Variants in GHR observed in about 807,000 individuals in gnomAD.
GHR encodes the protein GH receptor.
Under a neutral mutation model 67.1 loss-of-function variants are expected in GHR, and 35 were observed. The observed-to-expected ratio is 0.52, with a 90% CI of 0.40 to 0.69. The LOEUF (loss-of-function observed/expected upper bound fraction) is 0.69. Ranked by LOEUF, GHR falls within the 30% of genes least tolerant of loss-of-function variation. The pLI, the probability that GHR is intolerant of heterozygous loss-of-function variation, is 0.00. For missense variants in GHR, 792 were observed against 764.6 expected, an observed-to-expected ratio of 1.04 and a Z score of -0.42; for synonymous variants, 272 against 269.1, an observed-to-expected ratio of 1.01 and a Z score of -0.10.
chr5:42,494,159 A>G (rs1746226178), intron 1 of GHR, among the ~76,000 whole-genome samples: 1 of 152,138 alleles, frequency 6.6e-6, no homozygotes. Context: ...GCTCAAAAGG[A>G]GTAACAGAAA....
chr5:42,453,442 A>G (rs1744134252), intron 1 of GHR, among the ~76,000 whole-genome samples: 1 of 152,216 alleles, frequency 6.6e-6, no homozygotes, highest in Non-Finnish European at 1.5e-5. Context: ...CCGAGGTCAC[A>G]GCCTTGATGA....
intron 3 of GHR, among the ~76,000 whole-genome samples, chr5:42,653,097 G>A (rs1322201122): frequency 6.6e-6 from 1 of 152,020 alleles, no homozygotes; most frequent in Admixed American, 6.6e-5. Context: ...GTCAGAACAG[G>A]GCCTGACAGA....
chr5:42,467,456 C>T, intron 1 of GHR: 2 of 973,508 alleles, frequency 2.1e-6, no homozygotes, highest in South Asian at 2.8e-5. Flanking sequence ...TTCCGACACT[C>T]ATTACATTTA....
intron 3 of GHR, among the ~76,000 whole-genome samples, chr5:42,655,732 C>A (rs754701917): frequency 6.7e-6 from 1 of 149,628 alleles, no homozygotes; most frequent in Non-Finnish European, 1.5e-5. Context: ...CACTGTCTAC[C>A]GAAATGAGAC....
intron 3 of GHR, chr5:42,646,368 G>A (rs1026503552): frequency 2.2e-6 from 1 of 454,546 alleles, no homozygotes; most frequent in Non-Finnish European, 4.4e-6. Flanking sequence ...AAAATGGTGG[G>A]TTTCAGTCTG....
intron 1 of GHR, among the ~76,000 whole-genome samples, chr5:42,457,771 A>G (rs986850806): frequency 2.0e-5 from 3 of 152,216 alleles, no homozygotes; most frequent in Non-Finnish European, 2.9e-5. Context: ...GGTGGATTAC[A>G]GAATTCCATG....
chr5:42,428,357 C>T, intron 1 of GHR, among the ~76,000 whole-genome samples: 1 of 152,064 alleles, frequency 6.6e-6, no homozygotes, highest in East Asian at 1.9e-4. Context: ...TAGGCTGCAC[C>T]TAGCAGGCCC....
intron 3 of GHR, among the ~76,000 whole-genome samples, chr5:42,662,414 C>G (rs7737177): frequency 0.011 from 1,660 of 152,238 alleles, 26 homozygotes; most frequent in African/African-American, 0.039. Flanking sequence ...TCTCTCAGAC[C>G]ACAGTGCAAT....
intron 1 of GHR, among the ~76,000 whole-genome samples, chr5:42,554,105 A>G (rs1749182971): frequency 6.6e-6 from 1 of 152,210 alleles, no homozygotes; most frequent in Non-Finnish European, 1.5e-5. Context: ...TTAGAATTAT[A>G]CAAGAAAAAT....
intron 1 of GHR, among the ~76,000 whole-genome samples, chr5:42,444,846 C>T (rs967199413): frequency 6.6e-6 from 1 of 152,074 alleles, no homozygotes; most frequent in African/African-American, 2.4e-5. Flanking sequence ...TTCCCCTTTC[C>T]AGCTACAAAT....
chr5:42,690,641 G>C (rs1294111749), intron 4 of GHR, among the ~76,000 whole-genome samples: 1 of 152,078 alleles, frequency 6.6e-6, no homozygotes, highest in African/African-American at 2.4e-5. Context: ...TGCTTAATTT[G>C]CAGATAAAAA....
At chr5:42,579,087 A>ATAGAT (rs1750938873) in intron 2 of GHR, among the ~76,000 whole-genome samples, 1 of 74,498 alleles carries the variant, frequency 1.3e-5, no homozygotes, top group Non-Finnish European at 2.9e-5. Flanking sequence ...AGATAGATAG[A>ATAGAT]TAGATAGATA....
At chr5:42,517,300 CA>C (rs1219638406) in intron 1 of GHR, among the ~76,000 whole-genome samples, 3 of 152,106 alleles carry the variant, frequency 2.0e-5, no homozygotes, top group Non-Finnish European at 4.4e-5. Flanking sequence ...TGAGCTTTAT[CA>C]AAACAGTAAC....
chr5:42,713,624 A>G, intron 8 of GHR, 105 bp downstream of exon 8: 1 of 726,144 alleles, frequency 1.4e-6, no homozygotes, highest in Non-Finnish European at 2.5e-6. Flanking sequence ...TATGAGTGGA[A>G]ATTTTAGTTA....
chr5:42,456,106 A>T (rs574033160), intron 1 of GHR, among the ~76,000 whole-genome samples: 1 of 152,298 alleles, frequency 6.6e-6, no homozygotes, highest in Non-Finnish European at 1.5e-5. Flanking sequence ...AGGTCAAGAG[A>T]TGGAGAACAT....
At position 42,424,997 on chromosome 5, in the gene GHR, T is replaced by A; in HGVS notation, c.-12+1042T>A. ...GAAGAGGCCACAGAGGTGCCGCCTGTCTGTTTGTGCCGCCAGGAGACCTTG... is the reference window on the plus strand; with the variant it reads ...GAAGAGGCCACAGAGGTGCCGCCTGACTGTTTGTGCCGCCAGGAGACCTTG... On this transcript the variant is annotated intron_variant, in intron 1 of 9. Transcript: ENST00000230882. The surrounding 1 kb of genome is among the most constrained non-coding windows in gnomAD (Gnocchi z 4.1). 3.0e-6 allele frequency: 3 copies of A among 985,294 alleles called. No homozygotes were observed. Among genetic ancestry groups the A allele is most frequent in the Non-Finnish European group, 3.6e-6 (3 of 829,824 alleles). The allele number at this position is 985,294 out of a possible 1,614,324, so 61.0% of individuals were successfully genotyped here.
chr5:42,458,707 C>G (rs924437485), intron 1 of GHR, among the ~76,000 whole-genome samples: 9 of 152,148 alleles, frequency 5.9e-5, no homozygotes, highest in Admixed American at 5.9e-4. Flanking sequence ...AAACAGCCTA[C>G]AGGATGGGAG....
chr5:42,439,066 A>G (rs902121982), intron 1 of GHR, among the ~76,000 whole-genome samples: 5 of 152,198 alleles, frequency 3.3e-5, no homozygotes, highest in Non-Finnish European at 4.4e-5. Context: ...TTTCCAGAAA[A>G]AAAATGCTGC....
chr5:42,676,225 C>T (rs764958965), intron 3 of GHR, among the ~76,000 whole-genome samples: 3 of 152,084 alleles, frequency 2.0e-5, no homozygotes, highest in Non-Finnish European at 4.4e-5. Context: ...GCGGAGGTTG[C>T]AGTGAGCCAA....
Sources: gnomAD v4.1 joint callset for allele counts (sites outside exome capture counted in the v4.1 genomes callset) on GRCh38, gnomAD v4.1.1 for gene constraint, Gnocchi (gnomAD v3.1) non-coding constraint, MANE v1.5 for transcripts, NCBI Gene and HGNC (gene_info 2026-07-23, HGNC 2026-07-21) for gene names.